Variants in TRHDE observed in about 807,000 individuals in gnomAD.
TRHDE encodes the protein thyrotropin-releasing hormone-degrading ectoenzyme.
In TRHDE, 72 loss-of-function variants were observed where a neutral mutation model predicts 125.7. The observed-to-expected ratio is 0.57, with a 90% confidence interval of 0.47 to 0.70. TRHDE has a LOEUF of 0.70. TRHDE is among the 30% of genes least tolerant of loss of function. TRHDE has a pLI of 0.00. For missense variants in TRHDE, 1,110 were observed against 1,327.1 expected (o/e 0.84, Z 2.54); for synonymous variants, 509 against 509.1 (o/e 1.00, Z 0.00).
chr12:72,087,807 A>G (rs1423870425), intron 1 of TRHDE, among the ~76,000 whole-genome samples: 1 of 152,100 alleles, frequency 6.6e-6, no homozygotes, highest in Non-Finnish European at 1.5e-5. Flanking sequence ...CTGGAAGTGC[A>G]TTTGATCTTA....
At chr12:72,102,500 G>A (rs895365954) in intron 1 of TRHDE, among the ~76,000 whole-genome samples, 5 of 152,144 alleles carry the variant, frequency 3.3e-5, no homozygotes, top group Admixed American at 6.5e-5. Context: ...CCATATCCCA[G>A]CTTGACGCTA....
intron 7 of TRHDE, among the ~76,000 whole-genome samples, chr12:72,543,477 C>T (rs554353072): frequency 6.6e-6 from 1 of 151,584 alleles, no homozygotes; most frequent in East Asian, 1.9e-4. Flanking sequence ...ATGTTAACAG[C>T]TCTATTCTGA....
chr12:72,217,948 A>G (rs968883086), intron 2 of TRHDE, among the ~76,000 whole-genome samples: 3 of 152,136 alleles, frequency 2.0e-5, no homozygotes, highest in African/African-American at 7.2e-5. Context: ...TTTTTTGTCT[A>G]TAACAAAAAT....
chr12:72,480,010 G>A (rs1877090757), intron 5 of TRHDE, among the ~76,000 whole-genome samples: 1 of 150,648 alleles, frequency 6.6e-6, no homozygotes, highest in African/African-American at 2.4e-5. Context: ...TTTTATGGCT[G>A]CATAGTATTC....
rs764508110 is a variant in TRHDE at position 72,393,775 on chromosome 12, C to T, written c.1315+15654C>T. The stretch of plus-strand genomic sequence containing the variant: ...TTTGTACAGAGCCTAGAGAATAAAT[C>T]TTAGAATGTTGAGCTGAGATGTGAA... On this transcript the variant is annotated intron_variant, in intron 3 of 18. Coordinates refer to ENST00000261180, the MANE Select transcript of TRHDE (RefSeq NM_013381.3). Among the ~76,000 whole-genome samples the T allele has an allele frequency of 2.6e-5, 4 of 152,124 alleles. No individual in the cohort carries two copies. In the East Asian group the frequency reaches 5.8e-4, roughly 22 times the overall value.
intron 2 of TRHDE, among the ~76,000 whole-genome samples, chr12:72,136,859 A>G (rs951182572): frequency 6.6e-6 from 1 of 152,130 alleles, no homozygotes; most frequent in East Asian, 1.9e-4. Context: ...GTTCTCAGGC[A>G]TGGTTGCTAG....
chr12:72,166,826 A>C (rs1448707673), intron 2 of TRHDE, among the ~76,000 whole-genome samples: 2 of 152,016 alleles, frequency 1.3e-5, no homozygotes, highest in Non-Finnish European at 2.9e-5. Context: ...AGGAGAAGGA[A>C]ATCCTCCCAA....
chr12:72,396,647 G>A (rs1872802302), intron 3 of TRHDE, among the ~76,000 whole-genome samples: 2 of 152,154 alleles, frequency 1.3e-5, no homozygotes, highest in Non-Finnish European at 2.9e-5. Context: ...GGGAGGCTGA[G>A]GTGGGAGAAT....
At position 72,347,073 on chromosome 12, in the gene TRHDE, C is replaced by T. The variant is rs574471201; in HGVS notation, c.1189-30922C>T. 4.9e-4 allele frequency among the ~76,000 whole-genome samples: 74 copies of T among 152,212 alleles called. 1 individual carries two copies. The highest frequency in any genetic ancestry group is 6.9e-4 in the Non-Finnish European group (47 of 67,978). ...GATACTGGATTAGGGGCCCAGCCTA[C>T]TCCAATATGACCTCATCTTAATTAA... On this transcript the variant is annotated intron_variant, in intron 2 of 18. Transcript: ENST00000261180.
intron 12 of TRHDE, among the ~76,000 whole-genome samples, chr12:72,577,406 T>C (rs1241218542): frequency 1.3e-5 from 2 of 152,138 alleles, no homozygotes; most frequent in African/African-American, 4.8e-5. Context: ...CAGCTGATAA[T>C]TGGGAGAGCC....
intron 2 of TRHDE, among the ~76,000 whole-genome samples, chr12:72,198,932 GGAGAGAGA>G (rs111453106): frequency 3.4e-5 from 5 of 147,258 alleles, no homozygotes; most frequent in South Asian, 4.3e-4. Flanking sequence ...TGGTGAAGCA[GGAGAGAGA>G]GAGAGAGAGA....
chr12:72,473,159 C>T lies in TRHDE; in HGVS notation c.1563C>T (p.Tyr521=). 1.2e-6 allele frequency: 2 copies of T among 1,613,726 alleles called. No individual in the cohort carries two copies. The highest frequency in any genetic ancestry group is 1.7e-6 in the Non-Finnish European group (2 of 1,179,726). Reference sequence around the variant, plus strand: ...ACTTTGAATTTGTTGGTACAGACTACCTCTATCCTGGCTGGAACATGGTAA... The same window carrying T: ...ACTTTGAATTTGTTGGTACAGACTATCTCTATCCTGGCTGGAACATGGTAA... ...AHYFEFVGTD[Y]LYPGWNMEKQ... The change falls in exon 5 of 19, where the codon TAC becomes TAT. Residue 521 remains tyrosine (Y), a synonymous_variant. Coordinates refer to ENST00000261180, the MANE Select transcript of TRHDE (RefSeq NM_013381.3).
intron 3 of TRHDE, among the ~76,000 whole-genome samples, chr12:72,383,036 T>C (rs1872256224): frequency 2.6e-5 from 4 of 152,188 alleles, no homozygotes; most frequent in African/African-American, 9.7e-5. Flanking sequence ...CCAACATAAG[T>C]AACCAGTGCA....
chr12:72,535,657 G>C (rs1868818182), intron 6 of TRHDE, among the ~76,000 whole-genome samples: 1 of 150,722 alleles, frequency 6.6e-6, no homozygotes, highest in African/African-American at 2.4e-5. Flanking sequence ...CTGTTCTTCA[G>C]ATGCTAAATA....
At chr12:72,615,150 C>T (rs1872769365) in intron 12 of TRHDE, among the ~76,000 whole-genome samples, 1 of 152,054 alleles carries the variant, frequency 6.6e-6, no homozygotes, top group South Asian at 2.1e-4. Context: ...CCCAAATCAT[C>T]TCTTATGCTC....
At chr12:72,344,388 A>C (rs1870219537) in intron 2 of TRHDE, among the ~76,000 whole-genome samples, 1 of 152,182 alleles carries the variant, frequency 6.6e-6, no homozygotes, top group Non-Finnish European at 1.5e-5. Context: ...TTTAATTTTT[A>C]CAAAAAAGGT....
In TRHDE at chr12:72,244,274, A is replaced by G. The variant is rs371568314; in HGVS notation, n.280-133721A>G. Reference sequence around the variant, plus strand: ...ACATACTTCATAACAGCAGCCTTCAACCTGAAGCACACATAGGAGCAAATG... The same window carrying G: ...ACATACTTCATAACAGCAGCCTTCAGCCTGAAGCACACATAGGAGCAAATG... On this transcript the variant is annotated intron_variant and non_coding_transcript_variant, in intron 2 of 4. Coordinates refer to the TRHDE transcript ENST00000548156. 5.9e-5 allele frequency among the ~76,000 whole-genome samples: 9 copies of G among 152,280 alleles called. No homozygotes were observed. In the East Asian group the frequency reaches 1.5e-3, roughly 26 times the overall value.
chr12:72,641,898 A>C (rs1370689607), intron 15 of TRHDE, among the ~76,000 whole-genome samples: 2 of 151,928 alleles, frequency 1.3e-5, no homozygotes, highest in African/African-American at 4.8e-5. Context: ...TGTATGTTGA[A>C]ATCCTAACCC....
chr12:72,474,004 G>GTA (rs894363921), intron 5 of TRHDE, among the ~76,000 whole-genome samples: 7 of 151,734 alleles, frequency 4.6e-5, no homozygotes, highest in African/African-American at 1.2e-4. Flanking sequence ...AGGCGATTAT[G>GTA]TATATATATA....
Sources: gnomAD v4.1 joint callset for allele counts (sites outside exome capture counted in the v4.1 genomes callset) on GRCh38, gnomAD v4.1.1 for gene constraint, MANE v1.5 for transcripts, NCBI Gene and HGNC (gene_info 2026-07-23, HGNC 2026-07-21) for gene names.